Variants in PCSK5 observed in about 807,000 individuals in gnomAD.
PCSK5 encodes the protein prohormone convertase 5.
Under a neutral mutation model 233.2 loss-of-function variants are expected in PCSK5, and 129 were observed. The observed-to-expected ratio is 0.55, with a 90% CI of 0.48 to 0.64. PCSK5 has a LOEUF of 0.64. Ranked by LOEUF, PCSK5 falls within the 30% of genes least tolerant of loss-of-function variation. The pLI, the probability that PCSK5 is intolerant of heterozygous loss-of-function variation, is 0.00. For synonymous variants in PCSK5, 825 were observed against 879.2 expected, an observed-to-expected ratio of 0.94 and a Z score of 1.09; for missense variants, 2,076 against 2,430.1, an observed-to-expected ratio of 0.85 and a Z score of 3.06.
At chr9:76,277,461 G>A (rs1037360289) in intron 24 of PCSK5, among the ~76,000 whole-genome samples, 13 of 152,120 alleles carry the variant, frequency 8.5e-5, no homozygotes, top group Admixed American at 2.6e-4. Context: ...TAGAGGACTC[G>A]ATAAAGACTA....
intron 20 of PCSK5, among the ~76,000 whole-genome samples, chr9:76,190,893 CT>C (rs1824344011): frequency 6.6e-6 from 1 of 152,178 alleles, no homozygotes; most frequent in African/African-American, 2.4e-5. Flanking sequence ...ATAGGTTTAA[CT>C]TCCCAAGTGT....
intron 34 of PCSK5, among the ~76,000 whole-genome samples, chr9:76,334,080 T>C (rs1229736156): frequency 6.6e-6 from 1 of 152,122 alleles, no homozygotes; most frequent in African/African-American, 2.4e-5. Context: ...CTTATGTGGA[T>C]AGCGGCAGGC....
chr9:75,925,342 G>A (rs191758561), intron 1 of PCSK5, among the ~76,000 whole-genome samples: 4 of 152,316 alleles, frequency 2.6e-5, no homozygotes, highest in Admixed American at 2.6e-4. Flanking sequence ...CTAAGGTTTA[G>A]AGACATGCCC....
chr9:76,302,326 T>G, intron 28 of PCSK5, 109 bp downstream of exon 28: 1 of 400,702 alleles, frequency 2.5e-6, no homozygotes, highest in Non-Finnish European at 4.7e-6. Context: ...GCAAATGGGG[T>G]GCAGAGATGC....
intron 37 of PCSK5, among the ~76,000 whole-genome samples, chr9:76,355,274 C>T (rs534137398): frequency 4.1e-4 from 63 of 152,256 alleles, no homozygotes; most frequent in Admixed American, 1.1e-3. Context: ...AGATCGAGAA[C>T]GTCCTGGCTA....
intron 6 of PCSK5, among the ~76,000 whole-genome samples, chr9:76,069,210 C>A (rs890420811): frequency 4.6e-5 from 7 of 152,028 alleles, no homozygotes; most frequent in Non-Finnish European, 1.0e-4. Flanking sequence ...GAAAAAAATT[C>A]TTCGTTCCCT....
intron 2 of PCSK5, among the ~76,000 whole-genome samples, chr9:75,944,757 A>T (rs75747130): frequency 0.022 from 3,400 of 152,062 alleles, 57 homozygotes; most frequent in Non-Finnish European, 0.031. Flanking sequence ...AATTTCTATC[A>T]CCGTTTACCT....
intron 22 of PCSK5, among the ~76,000 whole-genome samples, chr9:76,238,351 G>A (rs778886752): frequency 1.3e-5 from 2 of 152,198 alleles, no homozygotes; most frequent in Non-Finnish European, 2.9e-5. Flanking sequence ...AGAATCCAAT[G>A]TTGACAAAAG....
intron 14 of PCSK5, 81 bp from the exon 15 acceptor site, chr9:76,179,515 T>G (rs767928411): frequency 1.0e-6 from 1 of 991,036 alleles, no homozygotes; most frequent in Non-Finnish European, 1.5e-6. Context: ...AAAAAAGTCT[T>G]ATTTTTATAC....
At chr9:76,262,123 TATG>T (rs1277688532) in intron 24 of PCSK5, among the ~76,000 whole-genome samples, 2 of 152,182 alleles carry the variant, frequency 1.3e-5, no homozygotes, top group Non-Finnish European at 2.9e-5. Context: ...GCCCATTCAG[TATG>T]ATATTGGCTG....
At chr9:75,943,858 T>C (rs1434118269) in intron 2 of PCSK5, among the ~76,000 whole-genome samples, 1 of 152,246 alleles carries the variant, frequency 6.6e-6, no homozygotes, top group African/African-American at 2.4e-5. Context: ...AGGTAAGAAA[T>C]GATCCCCAAA....
chr9:76,071,796 C>T lies in PCSK5; in HGVS notation c.792C>T (p.His264=), dbSNP rs561047878. Residue 264 remains histidine (H), a synonymous_variant, in exon 7 of 38, where the codon CAC becomes CAT. Coordinates refer to ENST00000674117, the MANE Select transcript of PCSK5 (RefSeq NM_001372043.1). ...AATCAGTTAGCTTCAACCCCCAGCA[C>T]GTGCACATTTACAGCGCCAGCTGGG... is the stretch of plus-strand genomic sequence containing the variant. ...EAKSVSFNPQ[H]VHIYSASWGP... 59 of 1,614,166 alleles carry T rather than the reference C, an allele frequency of 3.7e-5. No homozygotes were observed. The South Asian group carries it at 4.5e-4, about 12-fold the overall frequency.
chr9:76,101,325 G>A (rs544141361), intron 8 of PCSK5, among the ~76,000 whole-genome samples: 7 of 152,228 alleles, frequency 4.6e-5, no homozygotes, highest in South Asian at 2.1e-4. Context: ...TTCTTCTGTC[G>A]GTAGGTTGGT....
intron 5 of PCSK5, among the ~76,000 whole-genome samples, chr9:76,059,452 G>A (rs997618088): frequency 6.6e-6 from 1 of 152,168 alleles, no homozygotes; most frequent in East Asian, 1.9e-4. Context: ...GTCCTGAATG[G>A]TAATGCCTAG....
At chr9:76,214,514 G>A (rs1417323659) in intron 20 of PCSK5, among the ~76,000 whole-genome samples, 1 of 152,080 alleles carries the variant, frequency 6.6e-6, no homozygotes, top group Non-Finnish European at 1.5e-5. Flanking sequence ...CAACAGCTAG[G>A]TGACCTTAAC....
chr9:75,912,509 G>GA (rs1407215630), intron 1 of PCSK5, among the ~76,000 whole-genome samples: 1 of 152,122 alleles, frequency 6.6e-6, no homozygotes, highest in Non-Finnish European at 1.5e-5. Context: ...AGATGGGGCT[G>GA]GAGATTCAGC....
Position 75,932,456 on chromosome 9 carries a change from C to T in PCSK5, c.270C>T (p.Thr90=), listed in dbSNP as rs1396641963. Residue 90 remains threonine (T), a synonymous_variant, in exon 2 of 38, where the codon ACC becomes ACT. Transcript: ENST00000674117. ...GGTCAGTTATCTCGAGCAGAGGGAC[C>T]CACAGTTTCATTTCAATGGAACCAA... The part of the protein sequence containing the change: ...IKRSVISSRG[T]HSFISMEPKV... 6.2e-7 allele frequency: 1 copy of T among 1,611,080 alleles called. No homozygotes were observed. The highest frequency in any genetic ancestry group is 2.2e-5 in the East Asian group (1 of 44,858).
At chr9:75,890,451 C>G (rs1203047370), upstream of PCSK5, among the ~76,000 whole-genome samples, 2 of 152,156 alleles carry the variant, frequency 1.3e-5, no homozygotes, top group African/African-American at 4.8e-5. Context: ...AAACCACGAT[C>G]TCGGAGCGCT....
chr9:76,017,200 C>G (rs917750603), intron 3 of PCSK5, among the ~76,000 whole-genome samples: 2 of 152,184 alleles, frequency 1.3e-5, no homozygotes, highest in Non-Finnish European at 2.9e-5. Context: ...CTCCATTTCC[C>G]AGTTCCAGCC....
Sources: gnomAD v4.1 joint callset for allele counts (sites outside exome capture counted in the v4.1 genomes callset) on GRCh38, gnomAD v4.1.1 for gene constraint, MANE v1.5 for transcripts, NCBI Gene and HGNC (gene_info 2026-07-23, HGNC 2026-07-21) for gene names.